The following ZNF532 variants were observed in gnomAD, a reference collection of about 807,000 sequenced individuals.
ZNF532 encodes zinc finger protein 532.
ZNF532 carries 22 observed loss-of-function variants against 89.3 expected under a neutral mutation model. The ratio of observed to expected loss-of-function variants is 0.25; its 90% CI spans 0.18 to 0.35. The LOEUF (loss-of-function observed/expected upper bound fraction) is 0.35, where lower values mean the gene tolerates loss of function less well. Among genes scored for constraint, ZNF532 ranks in the 10% least tolerant of loss-of-function variants. The probability of loss-of-function intolerance (pLI) is 1.00; values close to 1 mark genes in which losing one functional copy is unlikely to be tolerated. For missense variants in ZNF532, 1,132 were observed against 1,643.4 expected (o/e 0.69, Z 5.38); for synonymous variants, 606 against 649.6 (o/e 0.93, Z 1.02).
chr18:58,963,227 A>T (rs1474141740), intron 7 of ZNF532, among the ~76,000 whole-genome samples: 1 of 152,148 alleles, frequency 6.6e-6, no homozygotes, highest in East Asian at 1.9e-4. Context: ...TGATTTTAGG[A>T]TGTCTTAATG....
intron 7 of ZNF532, among the ~76,000 whole-genome samples, chr18:58,973,221 G>T (rs1034243664): frequency 6.6e-6 from 1 of 152,198 alleles, no homozygotes. Flanking sequence ...TTGTGCCTCA[G>T]CCTCCTGAGT....
chr18:58,960,568 GCGAAGA>G (rs1811022232), intron 7 of ZNF532, among the ~76,000 whole-genome samples: 1 of 152,220 alleles, frequency 6.6e-6, no homozygotes, highest in Non-Finnish European at 1.5e-5. Context: ...AAAGAACTAG[GCGAAGA>G]CTAAGAACAT....
Position 58,928,014 on chromosome 18 carries a change from C to T in ZNF532, c.2347-6419C>T, listed in dbSNP as rs149136481. On this transcript the variant is annotated intron_variant, in intron 3 of 9. Transcript: ENST00000591808. ...TGAGCCTCTTTTAAGACCTTAAGAA[C>T]GTACTTTTCTTGATTTAGCTCAGTC... Among the ~76,000 whole-genome samples the T allele has an allele frequency of 4.7e-4, 71 of 152,340 alleles. No homozygotes were observed. In the Middle Eastern group the frequency reaches 0.024, roughly 51 times the overall value.
intron 7 of ZNF532, among the ~76,000 whole-genome samples, chr18:58,972,692 C>G (rs563812335): frequency 6.6e-6 from 1 of 152,236 alleles, no homozygotes; most frequent in Non-Finnish European, 1.5e-5. Flanking sequence ...CTCATTCATT[C>G]ATCGCTCGCC....
At chr18:58,971,113 T>C (rs1477096040) in intron 7 of ZNF532, among the ~76,000 whole-genome samples, 1 of 152,246 alleles carries the variant, frequency 6.6e-6, no homozygotes, top group African/African-American at 2.4e-5. Context: ...GACAGTCTTA[T>C]AACCAGAAAC....
At chr18:58,959,253 G>GTTTTTTTTTTTTTTTTTTTTTTTT (rs201150500) in intron 7 of ZNF532, among the ~76,000 whole-genome samples, 2 of 121,636 alleles carry the variant, frequency 1.6e-5, no homozygotes, top group African/African-American at 3.6e-5. Flanking sequence ...TCAGTTTTTT[G>GTTTTTTTTTTTTTTTTTTTTTTTT]TTTTTTGTTT....
Position 58,920,427 on chromosome 18 carries a change from C to T in ZNF532, c.2140C>T (p.His714Tyr), listed in dbSNP as rs2060943146. Residue 714 changes from histidine (H) to tyrosine (Y), a missense_variant, in exon 3 of 10, where the codon CAC (histidine) becomes TAC (tyrosine). Transcript: ENST00000591808. The stretch of plus-strand genomic sequence containing the variant: ...TCAGAGCCCTGTGGGAGCTGGCACA[C>T]ACACTGTCACAAAAATTCAGTCTGG... The part of the protein sequence containing the change: ...TLQSPVGAGT[H>Y]TVTKIQSGIT... The T allele has an allele frequency of 4.3e-6, 7 of 1,613,968 alleles. No homozygotes were observed. Among genetic ancestry groups the T allele is most frequent in the Non-Finnish European group, 5.9e-6 (7 of 1,179,872 alleles).
rs1490718041 is a variant in ZNF532 at position 58,864,947 on chromosome 18, C to T, written c.-566C>T. On this transcript the variant is annotated 5_prime_UTR_variant, in exon 1 of 10. Coordinates refer to ENST00000591808, the MANE Select transcript of ZNF532 (RefSeq NM_001375912.1). Reference sequence around the variant, plus strand: ...AGCTTGCAGGAAGGTACCATCCCTACACAGTATGTGAATGCACACTTAGAC... The same window carrying T: ...AGCTTGCAGGAAGGTACCATCCCTATACAGTATGTGAATGCACACTTAGAC... The T allele has an allele frequency of 6.6e-6, 1 of 152,250 alleles. No individual in the cohort carries two copies. Among genetic ancestry groups the T allele is most frequent in the East Asian group, 1.9e-4 (1 of 5,200 alleles). 9.4% of individuals were successfully genotyped at this position (152,250 alleles called of 1,614,324 possible).
At chr18:58,880,809 G>T (rs1224109072) in intron 2 of ZNF532, among the ~76,000 whole-genome samples, 3 of 118,064 alleles carry the variant, frequency 2.5e-5, no homozygotes, top group South Asian at 2.9e-4. Flanking sequence ...GCCCCTCAGA[G>T]GTATATATCT....
upstream of ZNF532, chr18:58,863,521 C>G: frequency 6.7e-4 from 4 of 5,958 alleles, no homozygotes; most frequent in Non-Finnish European, 1.2e-3. Context: ...GCCGCCGCCG[C>G]CGCCCGGCCC....
chr18:58,945,969 TCCGCC>T (rs1163851480), intron 5 of ZNF532, among the ~76,000 whole-genome samples: 3 of 152,108 alleles, frequency 2.0e-5, no homozygotes, highest in African/African-American at 7.2e-5. Flanking sequence ...GACCTTGTGA[TCCGCC>T]TGCCTCGGCC....
At chr18:58,907,115 G>T (rs1249598037) in intron 2 of ZNF532, among the ~76,000 whole-genome samples, 1 of 152,170 alleles carries the variant, frequency 6.6e-6, no homozygotes, top group East Asian at 1.9e-4. Context: ...CTCATGTTTT[G>T]CAGGGTGCAG....
chr18:58,975,142 T>C (rs372764003), intron 7 of ZNF532, among the ~76,000 whole-genome samples: 13 of 152,302 alleles, frequency 8.5e-5, no homozygotes, highest in African/African-American at 2.9e-4. Flanking sequence ...CTGTGCTATA[T>C]TTAAATCATG....
At chr18:58,950,058 TA>T (rs1177811920) in intron 6 of ZNF532, among the ~76,000 whole-genome samples, 3 of 152,246 alleles carry the variant, frequency 2.0e-5, no homozygotes, top group Non-Finnish European at 4.4e-5. Flanking sequence ...AAACTGCTAA[TA>T]AAAATTTAGG....
At chr18:58,944,156 C>G (rs1389076346) in intron 5 of ZNF532, among the ~76,000 whole-genome samples, 1 of 152,002 alleles carries the variant, frequency 6.6e-6, no homozygotes, top group Admixed American at 6.6e-5. Flanking sequence ...GGTGCTTTGC[C>G]CCTAGTTGGA....
At position 58,985,297 on chromosome 18, in the gene ZNF532, C is replaced by T. The variant is rs1443990027; in HGVS notation, c.*831C>T. 1 of 152,410 alleles carries T rather than the reference C, an allele frequency of 6.6e-6. No individual in the cohort carries two copies. The highest frequency in any genetic ancestry group is 2.4e-5 in the African/African-American group (1 of 41,420). 9.4% of individuals were successfully genotyped at this position (152,410 alleles called of 1,614,324 possible). A position where few individuals can be genotyped will look rare whatever the true frequency, so the allele number is the denominator to read the frequency against. On this transcript the variant is annotated 3_prime_UTR_variant, in exon 10 of 10. Transcript: ENST00000591808. ...TGGACTACTATAAAAGTTACAAATA[C>T]GTAGTTAGACCAATAGATTTATATA...
chr18:58,951,113 G>A (rs1047317875), intron 6 of ZNF532, among the ~76,000 whole-genome samples: 1 of 151,988 alleles, frequency 6.6e-6, no homozygotes, highest in Non-Finnish European at 1.5e-5. Flanking sequence ...GCGCCACCAC[G>A]CCTGGCCGAT....
intron 3 of ZNF532, among the ~76,000 whole-genome samples, chr18:58,933,793 A>AT (rs2062150705): frequency 1.3e-5 from 2 of 152,150 alleles, no homozygotes. Context: ...ACATAATCAG[A>AT]TTTTAAGCTC....
chr18:58,898,384 C>A (rs1048363034), intron 2 of ZNF532, among the ~76,000 whole-genome samples: 8 of 152,134 alleles, frequency 5.3e-5, no homozygotes, highest in Admixed American at 6.5e-5. Context: ...CTAATGGAGA[C>A]CAGATGGCTA....
Sources: gnomAD v4.1 joint callset for allele counts (sites outside exome capture counted in the v4.1 genomes callset) on GRCh38, gnomAD v4.1.1 for gene constraint, MANE v1.5 for transcripts, NCBI Gene and HGNC (gene_info 2026-07-23, HGNC 2026-07-21) for gene names.